Variants in SGCA observed in about 807,000 individuals in gnomAD.
The protein encoded by SGCA is alpha-sarcoglycan.
In SGCA, 34 loss-of-function variants were observed where a neutral mutation model predicts 38.1. The ratio of observed to expected loss-of-function variants is 0.89; its 90% CI spans 0.68 to 1.19. SGCA has a LOEUF of 1.19. Among genes scored for constraint, SGCA ranks in the 50% most tolerant of loss-of-function variants. The probability of loss-of-function intolerance (pLI) is 0.00; values close to 1 mark genes in which losing one functional copy is unlikely to be tolerated. For synonymous variants in SGCA, 209 were observed against 214.6 expected (o/e 0.97, Z 0.23); for missense variants, 476 against 524.9 (o/e 0.91, Z 0.91).
At position 50,171,372 on chromosome 17, in the gene SGCA, C is replaced by A. The variant is rs142442633; in HGVS notation, c.983+706C>A. On this transcript the variant is annotated intron_variant, in intron 8 of 9. Transcript: ENST00000262018. ...CTCATGGCCTTACCCCTCCTATGTG[C>A]CCCCAGCCCTCTTCCTCTCCCAATA... is the stretch of plus-strand genomic sequence containing the variant. The A allele has an allele frequency of 2.4e-4, 92 of 378,052 alleles. No individual in the cohort carries two copies. The East Asian group carries it at 3.3e-3, about 14-fold the overall frequency. The allele number at this position is 378,052 out of a possible 1,614,324, so 23.4% of individuals were successfully genotyped here.
At chr17:50,175,192 A>C (rs894483980) in intron 8 of SGCA, 65 bp from the exon 9 acceptor site, 22 of 1,481,988 alleles carry the variant, frequency 1.5e-5, no homozygotes, top group Middle Eastern at 2.0e-4. Flanking sequence ...GCTCAGAGGC[A>C]GTTCCAGGCT....
At position 50,168,490 on chromosome 17, in the gene SGCA, G is replaced by C. The variant is rs199810179; in HGVS notation, c.502G>C (p.Gly168Arg). 1 of 1,579,926 alleles carries C rather than the reference G, an allele frequency of 6.3e-7. No individual in the cohort carries two copies. The highest frequency in any genetic ancestry group is 2.3e-5 in the East Asian group (1 of 43,432). Residue 168 changes from glycine (G) to arginine (R), a missense_variant, in exon 5 of 10, where the codon GGA becomes CGA. Gly to Arg is a moderately radical substitution (Grantham distance 125, BLOSUM62 -2). Coordinates refer to ENST00000262018, the MANE Select transcript of SGCA (RefSeq NM_000023.4). ...AGCCTTGGGGGGACTCTGGGAGCCC[G>C]GAGAGCTTCAGCTGCTCAACGTCAC... ...LSALGGLWEP[G>R]ELQLLNVTSA...
intron 6 of SGCA, chr17:50,169,829 A>G (rs1428092530): frequency 2.1e-6 from 1 of 483,308 alleles, no homozygotes; most frequent in Non-Finnish European, 3.8e-6. Context: ...ATTCTTGAGC[A>G]CTTGCTATGT....
At position 50,175,168 on chromosome 17, in the gene SGCA, A is replaced by T; in HGVS notation, c.984-89A>T. On this transcript the variant is annotated intron_variant, in intron 8 of 9. Transcript: ENST00000262018. ...GTCTCTCCCCACATAAGTGGTGGGG[A>T]GGACCGCAGGGTGGCTCAGAGGCAG... The T allele has an allele frequency of 7.5e-6, 9 of 1,207,984 alleles. No homozygotes were observed. The South Asian group carries it at 1.0e-4, about 14-fold the overall frequency. 74.8% of individuals were successfully genotyped at this position (1,207,984 alleles called of 1,614,324 possible). A position where few individuals can be genotyped will look rare whatever the true frequency, so the allele number is the denominator to read the frequency against.
intron 9 of SGCA, 116 bp downstream of exon 9, chr17:50,175,565 C>A: frequency 2.1e-6 from 2 of 960,718 alleles, no homozygotes; most frequent in Non-Finnish European, 3.2e-6. Flanking sequence ...ATAGACTTGT[C>A]TGCCCCTCTG....
chr17:50,174,093 A>G (rs1028960804), intron 8 of SGCA, among the ~76,000 whole-genome samples: 5 of 152,154 alleles, frequency 3.3e-5, no homozygotes, highest in Admixed American at 6.5e-5. Flanking sequence ...CAGAGGCAGG[A>G]GGGTCCCTTG....
Position 50,167,568 on chromosome 17 carries a change from C to T in SGCA, c.158-14C>T. The T allele has an allele frequency of 6.2e-7, 1 of 1,613,602 alleles. No homozygotes were observed. The highest frequency in any genetic ancestry group is 8.5e-7 in the Non-Finnish European group (1 of 1,180,020). On this transcript the variant is annotated splice_polypyrimidine_tract_variant and intron_variant, in intron 2 of 9. Transcript: ENST00000262018. The surrounding 1 kb of genome is among the most constrained non-coding windows in gnomAD (Gnocchi z 4.5). ...CCTGCTGTGACTCGAATCCCCTCTCCTCGCTTCCACCAGCTGTCCCACCCG... is the reference window on the plus strand; with the variant it reads ...CCTGCTGTGACTCGAATCCCCTCTCTTCGCTTCCACCAGCTGTCCCACCCG...
chr17:50,167,960 A>G lies in SGCA; in HGVS notation c.326A>G (p.Asn109Ser). 1.2e-6 allele frequency: 2 copies of G among 1,614,116 alleles called. No individual in the cohort carries two copies. Among genetic ancestry groups the G allele is most frequent in the Non-Finnish European group, 1.7e-6 (2 of 1,179,990 alleles). Reference sequence around the variant, plus strand: ...CCCATCCCCCAGGTCACAGCCTACAATCGGGACAGCTTTGATACCACTCGG... The same window carrying G: ...CCCATCCCCCAGGTCACAGCCTACAGTCGGGACAGCTTTGATACCACTCGG... ...GLQVIEVTAY[N>S]RDSFDTTRQR... The change falls in exon 4 of 10, where the codon AAT becomes AGT. Residue 109 changes from asparagine (N) to serine (S), a missense_variant. Asn to Ser is a conservative substitution (Grantham distance 46). Coordinates refer to ENST00000262018, the MANE Select transcript of SGCA (RefSeq NM_000023.4). The surrounding 1 kb of genome is among the most constrained non-coding windows in gnomAD (Gnocchi z 4.5).
rs35972733 is a variant in SGCA at position 50,170,214 on chromosome 17, G to A, written c.819G>A (p.Pro273=). Residue 273 remains proline, a synonymous_variant, in exon 7 of 10, where the codon CCG becomes CCA. Coordinates refer to ENST00000262018, the MANE Select transcript of SGCA (RefSeq NM_000023.4). ...GTGATGGGATCCTGGAGCATGACCC[G>A]TTCTTCTGCCCACCCACTGAGGCCC... is the stretch of plus-strand genomic sequence containing the variant. ...TPGDGILEHD[P]FFCPPTEAPD... The A allele has an allele frequency of 9.3e-6, 15 of 1,613,958 alleles. No homozygotes were observed. The highest frequency in any genetic ancestry group is 1.1e-5 in the South Asian group (1 of 91,076).
At position 50,175,363 on chromosome 17, in the gene SGCA, A is replaced by G; in HGVS notation, c.1090A>G (p.Asn364Asp). The G allele has an allele frequency of 6.2e-7, 1 of 1,612,892 alleles. No homozygotes were observed. The highest frequency in any genetic ancestry group is 8.5e-7 in the Non-Finnish European group (1 of 1,179,958). ...PRPLSTLPMF[N>D]VHTGERLPPR... is the part of the protein sequence containing the mutation. ...GCCACTCTCCACCCTGCCCATGTTC[A>G]ATGTGCACACAGGTGAGCGGCTGCC... The change falls in exon 9 of 10, where the codon AAT becomes GAT. Residue 364 changes from asparagine (N) to aspartate (D), a missense_variant. Coordinates refer to ENST00000262018, the MANE Select transcript of SGCA (RefSeq NM_000023.4).
At chr17:50,171,978 T>A (rs1905458595) in intron 8 of SGCA, 1 of 456,604 alleles carries the variant, frequency 2.2e-6, no homozygotes, top group Admixed American at 2.3e-5. Flanking sequence ...TGGCAGTATT[T>A]GAGTTCAACA....
At position 50,170,240 on chromosome 17, in the gene SGCA, C is replaced by G. The variant is rs1200132349; in HGVS notation, c.845C>G (p.Pro282Arg). The G allele has an allele frequency of 6.2e-7, 1 of 1,614,220 alleles. No homozygotes were observed. The highest frequency in any genetic ancestry group is 1.6e-4 in the Middle Eastern group (1 of 6,062). ...TTCTTCTGCCCACCCACTGAGGCCC[C>G]AGACCGTGACTTCTTGGTGGATGCT... ...DPFFCPPTEA[P>R]DRDFLVDALV... The change falls in exon 7 of 10, where the codon CCA (proline) becomes CGA (arginine). Residue 282 changes from proline to arginine, a missense_variant. Pro to Arg is a moderately radical substitution (Grantham distance 103). Coordinates refer to ENST00000262018, the MANE Select transcript of SGCA (RefSeq NM_000023.4).
chr17:50,169,745 C>T (rs1905224212), intron 6 of SGCA: 1 of 376,634 alleles, frequency 2.7e-6, no homozygotes, highest in African/African-American at 2.1e-5. Flanking sequence ...GGCTGGTGTA[C>T]ACTGTTCCTG....
Position 50,170,283 on chromosome 17 carries a change from G to A in SGCA, c.888G>A (p.Val296=), listed in dbSNP as rs749278299. ...TGGATGCTCTGGTCACCCTCCTGGT[G>A]CCCCTGCTGGTGGCCCTGCTTCTCA... ...FLVDALVTLL[V]PLLVALLLTL... Residue 296 remains valine (V), a synonymous_variant, in exon 7 of 10, where the codon GTG becomes GTA. Coordinates refer to ENST00000262018, the MANE Select transcript of SGCA (RefSeq NM_000023.4). The A allele has an allele frequency of 6.2e-7, 1 of 1,614,246 alleles. No homozygotes were observed. The highest frequency in any genetic ancestry group is 1.1e-5 in the South Asian group (1 of 91,084).
chr17:50,170,359 T>C lies in SGCA; in HGVS notation c.956+8T>C, dbSNP rs538839531. ...CTGCCGGCGGGAGGGAAGGTGAATG[T>C]GGGCATGAAGGGCGGGGGAGCACCT... On this transcript the variant is annotated splice_region_variant and intron_variant, in intron 7 of 9. Coordinates refer to ENST00000262018, the MANE Select transcript of SGCA (RefSeq NM_000023.4). 2 of 1,612,668 alleles carry C rather than the reference T, an allele frequency of 1.2e-6. No individual in the cohort carries two copies. Among genetic ancestry groups the C allele is most frequent in the African/African-American group, 2.7e-5 (2 of 74,998 alleles).
intron 8 of SGCA, among the ~76,000 whole-genome samples, chr17:50,174,957 T>C (rs1170816905): frequency 6.6e-6 from 1 of 152,084 alleles, no homozygotes; most frequent in Non-Finnish European, 1.5e-5. Context: ...CACACCTGGC[T>C]AATTTTTATT....
At chr17:50,166,614 C>T (rs2144489731) in intron 1 of SGCA, among the ~76,000 whole-genome samples, 1 of 151,922 alleles carries the variant, frequency 6.6e-6, no homozygotes, top group East Asian at 1.9e-4. Context: ...GGCTCTTGGG[C>T]ATTTAGCATG....
intron 1 of SGCA, 30 bp downstream of exon 1, chr17:50,166,107 C>G (rs368082336): frequency 1.9e-6 from 3 of 1,589,418 alleles, no homozygotes; most frequent in East Asian, 2.2e-5. Flanking sequence ...AGCGGGGAGG[C>G]CCAGGATGAG....
At chr17:50,166,509 C>G (rs1904813554) in intron 1 of SGCA, among the ~76,000 whole-genome samples, 1 of 151,998 alleles carries the variant, frequency 6.6e-6, no homozygotes, top group Non-Finnish European at 1.5e-5. Context: ...CCTTCTTCTT[C>G]CCTGTATTTT....
Sources: allele counts gnomAD v4.1 joint callset (sites outside exome capture counted in the v4.1 genomes callset), GRCh38; gene constraint gnomAD v4.1.1; non-coding constraint Gnocchi (gnomAD v3.1); transcripts MANE v1.5; gene names NCBI Gene and HGNC (gene_info 2026-07-23, HGNC 2026-07-21).